The following FGD2 variants were observed in gnomAD, a reference collection of about 807,000 sequenced individuals.
The protein encoded by FGD2 is FYVE, RhoGEF and PH domain containing 2.
A neutral mutation model predicts 75.9 loss-of-function variants in FGD2; 52 were observed. The ratio of observed to expected loss-of-function variants is 0.69; its 90% confidence interval spans 0.55 to 0.86. FGD2 has a LOEUF of 0.86. FGD2 is among the 40% of genes least tolerant of loss of function. The pLI, the probability that FGD2 is intolerant of heterozygous loss-of-function variation, is 0.00. For missense variants in FGD2, 790 were observed against 872.0 expected (o/e 0.91, Z 1.18); for synonymous variants, 347 against 348.6 (o/e 1.00, Z 0.05).
At chr6:37,006,631 T>C (rs1370956063) in intron 1 of FGD2, among the ~76,000 whole-genome samples, 1 of 152,066 alleles carries the variant, frequency 6.6e-6, no homozygotes, top group Non-Finnish European at 1.5e-5. Flanking sequence ...TGTGTGTATG[T>C]GTGTGTTGTG....
At chr6:37,018,458 C>T (rs1765409508) in intron 9 of FGD2, among the ~76,000 whole-genome samples, 3 of 152,200 alleles carry the variant, frequency 2.0e-5, no homozygotes, top group Non-Finnish European at 4.4e-5. Context: ...CTTTGACCAT[C>T]ATGATGGTTC....
intron 6 of FGD2, 21 bp downstream of exon 6, chr6:37,014,121 C>G (rs1765160937): frequency 2.5e-6 from 4 of 1,610,544 alleles, no homozygotes. Flanking sequence ...CCCCAGGGGT[C>G]CCAGGGGGCT....
At chr6:37,022,187 C>T (rs906872968) in intron 12 of FGD2, 52 bp from the exon 13 acceptor site, 28 of 1,565,732 alleles carry the variant, frequency 1.8e-5, no homozygotes, top group Admixed American at 5.7e-5. Flanking sequence ...GGAGGATGGG[C>T]GGAAGAAGGT....
chr6:37,007,692 G>A (rs1371699097), intron 1 of FGD2, among the ~76,000 whole-genome samples: 2 of 152,230 alleles, frequency 1.3e-5, no homozygotes, highest in African/African-American at 2.4e-5. Flanking sequence ...GGGGCAAAGA[G>A]GAAACAGAAG....
In FGD2 at chr6:37,014,808, C is replaced by T. The variant is rs150915003; in HGVS notation, c.883-84C>T. ...CACTGCTGCCCTCACTGTTACCCCC[C>T]AGTCCCCGTCCCCACAAGGCAAGCC... On this transcript the variant is annotated intron_variant, in intron 7 of 15. Transcript: ENST00000274963. 7,750 of 1,608,624 alleles carry T rather than the reference C, an allele frequency of 4.8e-3. 27 individuals carry two copies. Among genetic ancestry groups the T allele is most frequent in the Non-Finnish European group, 5.7e-3 (6,740 of 1,176,822 alleles).
rs1410668000 is a variant in FGD2, at chr6:37,015,837, C to T, written c.1099C>T (p.Arg367Cys). The T allele has an allele frequency of 5.0e-6, 8 of 1,589,646 alleles. No homozygotes were observed. Among genetic ancestry groups the T allele is most frequent in the African/African-American group, 2.7e-5 (2 of 74,872 alleles). Residue 367 changes from arginine (R) to cysteine (C), a missense_variant, in exon 9 of 16, where the codon CGC becomes TGC. Arg to Cys is a radical substitution (Grantham distance 180, BLOSUM62 -3). Coordinates refer to ENST00000274963, the MANE Select transcript of FGD2 (RefSeq NM_173558.4). ...QVGAQFQVRT[R>C]IDVAGMKVRE... is the part of the protein sequence containing the mutation. The stretch of plus-strand genomic sequence containing the variant: ...GGGCGCCCAGTTCCAGGTGAGGACC[C>T]GCATCGATGTGGCCGGGATGAAGGT...
chr6:37,005,851 G>T lies in FGD2; in HGVS notation c.34G>T (p.Val12Leu). 6.2e-7 allele frequency: 1 copy of T among 1,613,984 alleles called. No homozygotes were observed. Among genetic ancestry groups the T allele is most frequent in the Non-Finnish European group, 8.5e-7 (1 of 1,179,978 alleles). ...GGCAAGTGAGGAGAAGCTGGCATCT[G>T]TGTCCAACCTGGTCACTGTGTTTGA... is the stretch of plus-strand genomic sequence containing the variant. ...KGASEEKLAS[V>L]SNLVTVFENS... is the part of the protein sequence containing the mutation. The change falls in exon 1 of 16, where the codon GTG (valine) becomes TTG (leucine). Residue 12 changes from valine to leucine, a missense_variant. Transcript: ENST00000274963.
chr6:37,021,727 G>C, intron 12 of FGD2, 123 bp downstream of exon 12: 2 of 903,146 alleles, frequency 2.2e-6, no homozygotes, highest in Non-Finnish European at 3.3e-6. Context: ...GAGACTGAAG[G>C]GACCAGGGGA....
rs1583316283 is a variant in FGD2 at position 37,020,580 on chromosome 6, C to T, written c.1162C>T (p.Leu388=). 1 of 1,609,336 alleles carries T rather than the reference C, an allele frequency of 6.2e-7. No individual in the cohort carries two copies. The highest frequency in any genetic ancestry group is 2.2e-5 in the East Asian group (1 of 44,818). The change falls in exon 10 of 16, where the codon CTG becomes TTG. Residue 388 remains leucine, a synonymous_variant. Transcript: ENST00000274963. ...LMDAEFPHSF[L]VSGKQRTLEL... ...GGATGCTGAGTTTCCCCACTCCTTC[C>T]TGGTGTCCGGGAAGCAGCGCACCCT...
rs547903898 is a variant in FGD2, at chr6:37,011,297, C to A, written c.378+247C>A. On this transcript the variant is annotated intron_variant, in intron 3 of 15. Transcript: ENST00000274963. ...GTATAGCAGAGAACACACCAGCTGG[C>A]CCTTGCTGGCCTACACGGTATCTTC... 11 of 583,992 alleles carry A rather than the reference C, an allele frequency of 1.9e-5. No homozygotes were observed. In the African/African-American group the frequency reaches 2.1e-4, roughly 11 times the overall value. The allele number at this position is 583,992 out of a possible 1,614,324, so 36.2% of individuals were successfully genotyped here.
Position 37,028,243 on chromosome 6 carries a change from T to C in FGD2, c.*80T>C. The C allele has an allele frequency of 7.5e-7, 1 of 1,334,638 alleles. No homozygotes were observed. 82.7% of individuals were successfully genotyped at this position (1,334,638 alleles called of 1,614,324 possible). A position where few individuals can be genotyped will look rare whatever the true frequency, so the allele number is the denominator to read the frequency against. ...CCACAGACTGACCCTGTGGCCTCAG[T>C]GACCCACTGCCCCAAGTGGTGCTTT... On this transcript the variant is annotated 3_prime_UTR_variant, in exon 16 of 16. Transcript: ENST00000274963.
At chr6:37,016,216 G>T (rs796550478) in intron 9 of FGD2, among the ~76,000 whole-genome samples, 1 of 152,084 alleles carries the variant, frequency 6.6e-6, no homozygotes, top group South Asian at 2.1e-4. Context: ...TGGGTGGGGG[G>T]GTGCCTGAGA....
At chr6:37,021,460 A>C in intron 11 of FGD2, 52 bp from the exon 12 acceptor site, 8 of 1,458,320 alleles carry the variant, frequency 5.5e-6, no homozygotes, top group Non-Finnish European at 4.8e-6. Flanking sequence ...CAGAGGAGCA[A>C]TCCCTCCCTT....
intron 7 of FGD2, 94 bp downstream of exon 7, chr6:37,014,798 T>A: frequency 1.2e-6 from 2 of 1,609,206 alleles, no homozygotes; most frequent in Non-Finnish European, 8.5e-7. Flanking sequence ...CTGCCCTCAC[T>A]GTTACCCCCC....
At chr6:37,018,795 T>C (rs1167789299) in intron 9 of FGD2, among the ~76,000 whole-genome samples, 1 of 152,210 alleles carries the variant, frequency 6.6e-6, no homozygotes, top group East Asian at 1.9e-4. Flanking sequence ...GTTCCAACAA[T>C]ATCTAGGTAT....
intron 14 of FGD2, among the ~76,000 whole-genome samples, chr6:37,026,497 C>T (rs1003436934): frequency 3.9e-5 from 6 of 152,090 alleles, no homozygotes; most frequent in Non-Finnish European, 8.8e-5. Flanking sequence ...CTGGGGGCCT[C>T]ACTGAGCCAC....
At chr6:37,011,410 C>T (rs538643149) in intron 3 of FGD2, 33 of 557,402 alleles carry the variant, frequency 5.9e-5, no homozygotes, top group East Asian at 1.9e-4. Context: ...TATTCATCAC[C>T]GCAGGGAGCT....
chr6:37,011,032 C>A lies in FGD2; in HGVS notation c.360C>A (p.Arg120=). 6.2e-7 allele frequency: 1 copy of A among 1,614,184 alleles called. No individual in the cohort carries two copies. The highest frequency in any genetic ancestry group is 8.5e-7 in the Non-Finnish European group (1 of 1,180,028). ...AGACAGAGCAGGCCTATGTGGCGCGCCTCCACCTGCTAGACCAGGCCAGTG... is the reference window on the plus strand; with the variant it reads ...AGACAGAGCAGGCCTATGTGGCGCGACTCCACCTGCTAGACCAGGCCAGTG... The part of the protein sequence containing the change: ...LLETEQAYVA[R]LHLLDQVFFQ... Residue 120 remains arginine, a synonymous_variant, in exon 3 of 16, where the codon CGC becomes CGA. Coordinates refer to ENST00000274963, the MANE Select transcript of FGD2 (RefSeq NM_173558.4).
intron 9 of FGD2, among the ~76,000 whole-genome samples, chr6:37,016,217 G>T (rs1303959787): frequency 6.6e-6 from 1 of 152,170 alleles, no homozygotes; most frequent in Non-Finnish European, 1.5e-5. Context: ...GGGTGGGGGG[G>T]TGCCTGAGAT....
Sources: gnomAD v4.1 joint callset for allele counts (sites outside exome capture counted in the v4.1 genomes callset) on GRCh38, gnomAD v4.1.1 for gene constraint, MANE v1.5 for transcripts, NCBI Gene and HGNC (gene_info 2026-07-23, HGNC 2026-07-21) for gene names.